Variants in HMGB1 observed in about 807,000 individuals in gnomAD.
HMGB1 encodes high mobility group protein B1.
For missense variants in HMGB1, 79 were observed against 253.5 expected (o/e 0.31, Z 4.67); for synonymous variants, 81 against 84.0 (o/e 0.96, Z 0.19).
In HMGB1 at chr13:30,559,207, A is replaced by G. The variant is rs1308961348; in HGVS notation, c.-15+57464T>C. The stretch of plus-strand genomic sequence containing the variant: ...CTGTTGAGAAGCACTGCCTTAGATC[A>G]TTCCTTACCAAGGTACGTTAGGCAC... On this transcript the variant is annotated intron_variant, in intron 1 of 4. Transcript: ENST00000405805. The surrounding 1 kb of genome is among the most constrained non-coding windows in gnomAD (Gnocchi z 6.6). Among the ~76,000 whole-genome samples the G allele has an allele frequency of 6.6e-6, 1 of 152,130 alleles. No homozygotes were observed. Among genetic ancestry groups the G allele is most frequent in the Non-Finnish European group, 1.5e-5 (1 of 68,018 alleles).
chr13:30,552,175 T>C (rs1869457509), intron 1 of HMGB1, among the ~76,000 whole-genome samples: 1 of 152,182 alleles, frequency 6.6e-6, no homozygotes. Context: ...CACACACATA[T>C]CCTTTAGTTA....
At chr13:30,576,188 A>G (rs968053196) in intron 1 of HMGB1, among the ~76,000 whole-genome samples, 7 of 152,074 alleles carry the variant, frequency 4.6e-5, no homozygotes, top group Non-Finnish European at 7.4e-5. Flanking sequence ...CATAGACCCA[A>G]TTTTCAAACC....
chr13:30,572,897 T>C (rs1355008572), intron 1 of HMGB1, among the ~76,000 whole-genome samples: 1 of 152,230 alleles, frequency 6.6e-6, no homozygotes, highest in Non-Finnish European at 1.5e-5. Context: ...TCTAGATATC[T>C]AGCAACAAAA....
intron 1 of HMGB1, among the ~76,000 whole-genome samples, chr13:30,528,150 C>G (rs1888412756): frequency 6.6e-6 from 1 of 152,232 alleles, no homozygotes; most frequent in Non-Finnish European, 1.5e-5. Context: ...GGCAACCCGT[C>G]TCCTGGGCTG....
At chr13:30,528,693 G>A (rs1007015715) in intron 1 of HMGB1, among the ~76,000 whole-genome samples, 4 of 152,106 alleles carry the variant, frequency 2.6e-5, no homozygotes, top group Non-Finnish European at 4.4e-5. Flanking sequence ...TGGAAGCTGC[G>A]AAAGAATCAG....
At chr13:30,572,949 G>C (rs1657219102) in intron 1 of HMGB1, among the ~76,000 whole-genome samples, 1 of 152,224 alleles carries the variant, frequency 6.6e-6, no homozygotes, top group African/African-American at 2.4e-5. Flanking sequence ...AGGGCTGACA[G>C]TTTCACTTTC....
chr13:30,479,196 A>G (rs9506314), intron 1 of HMGB1, among the ~76,000 whole-genome samples: 133,623 of 152,198 alleles, frequency 0.88, 60,549 homozygotes, highest in Non-Finnish European at 0.98. Flanking sequence ...TCTAATAGCT[A>G]TTCATTCTTT....
intron 1 of HMGB1, among the ~76,000 whole-genome samples, chr13:30,549,886 T>G (rs1474016245): frequency 6.6e-6 from 1 of 151,940 alleles, no homozygotes; most frequent in African/African-American, 2.4e-5. Context: ...CTGGCTAATT[T>G]TTGTATTTTT....
intron 1 of HMGB1, among the ~76,000 whole-genome samples, chr13:30,504,890 AT>A (rs11331636): frequency 0.87 from 132,264 of 152,132 alleles, 60,511 homozygotes; most frequent in East Asian, 1. Flanking sequence ...CTGGTAAATA[AT>A]TACGTTTATC....
At chr13:30,489,935 G>A (rs1217978440) in intron 1 of HMGB1, among the ~76,000 whole-genome samples, 1 of 149,076 alleles carries the variant, frequency 6.7e-6, no homozygotes, top group Non-Finnish European at 1.5e-5. Flanking sequence ...GGGTTTCACC[G>A]TGTTGGCCTC....
chr13:30,511,090 A>AAC (rs2137463645), intron 1 of HMGB1, among the ~76,000 whole-genome samples: 1 of 152,274 alleles, frequency 6.6e-6, no homozygotes, highest in East Asian at 1.9e-4. Flanking sequence ...AGTGCTTATA[A>AAC]ACACACACCT....
chr13:30,546,255 A>G (rs1869153621), intron 1 of HMGB1, among the ~76,000 whole-genome samples: 1 of 152,158 alleles, frequency 6.6e-6, no homozygotes, highest in African/African-American at 2.4e-5. Context: ...AGCTGGGACT[A>G]CAGGTGTGCA....
chr13:30,546,782 G>A lies in HMGB1; in HGVS notation c.-15+69889C>T, dbSNP rs75950744. On this transcript the variant is annotated intron_variant, in intron 1 of 4. Transcript: ENST00000405805. ...TTACAGGCATAAGCCACCATGCCCA[G>A]TCCAGTTTAATTATTCTTTATACAA... 7.7e-3 allele frequency among the ~76,000 whole-genome samples: 1,169 copies of A among 152,342 alleles called. 20 individuals are homozygous for A. The highest frequency in any genetic ancestry group is 0.027 in the African/African-American group (1,136 of 41,574).
chr13:30,498,302 A>G (rs931992947), intron 1 of HMGB1, among the ~76,000 whole-genome samples: 2 of 152,198 alleles, frequency 1.3e-5, no homozygotes, highest in Non-Finnish European at 2.9e-5. Flanking sequence ...CCTGGGGAAC[A>G]GAGTGAGACT....
intron 1 of HMGB1, among the ~76,000 whole-genome samples, chr13:30,528,902 G>C (rs1007374287): frequency 2.0e-5 from 3 of 151,892 alleles, no homozygotes; most frequent in African/African-American, 7.3e-5. Flanking sequence ...GGTGGCGGGC[G>C]CCTCTAGTCC....
chr13:30,484,017 T>C (rs1404680927), intron 1 of HMGB1, among the ~76,000 whole-genome samples: 2 of 152,194 alleles, frequency 1.3e-5, no homozygotes, highest in East Asian at 3.8e-4. Context: ...TGGGAGGTCC[T>C]GGGATGGTCA....
intron 1 of HMGB1, chr13:30,554,238 C>T (rs1385149127): frequency 1.7e-5 from 25 of 1,431,456 alleles, no homozygotes; most frequent in South Asian, 1.4e-4. Context: ...GAATCACCAG[C>T]TTCATTTCTC....
intron 1 of HMGB1, among the ~76,000 whole-genome samples, chr13:30,557,185 GTATGA>G (rs1362027309): frequency 2.6e-5 from 4 of 152,016 alleles, no homozygotes; most frequent in Admixed American, 6.5e-5. Context: ...AATAATAATT[GTATGA>G]TATGTTTTTG....
intron 1 of HMGB1, among the ~76,000 whole-genome samples, chr13:30,471,654 CTTTTTTTTTTTT>C (rs1171119586): frequency 1.6e-4 from 5 of 30,566 alleles, no homozygotes; most frequent in Non-Finnish European, 2.3e-4. Flanking sequence ...CGTGCCCGGC[CTTTTTTTTTTTT>C]TTTTTTTTTT....
Sources: allele counts gnomAD v4.1 joint callset (sites outside exome capture counted in the v4.1 genomes callset), GRCh38; gene constraint gnomAD v4.1.1; non-coding constraint Gnocchi (gnomAD v3.1); transcripts MANE v1.5; gene names NCBI Gene and HGNC (gene_info 2026-07-23, HGNC 2026-07-21).